The following TRPM3 variants were observed in gnomAD, a reference collection of about 807,000 sequenced individuals.
TRPM3 encodes the protein transient receptor potential cation channel subfamily M member 3.
Under a neutral mutation model 181.2 loss-of-function variants are expected in TRPM3, and 77 were observed. The ratio of observed to expected loss-of-function variants is 0.42; its 90% confidence interval spans 0.35 to 0.51. The LOEUF (loss-of-function observed/expected upper bound fraction) is 0.51. Among genes scored for constraint, TRPM3 ranks in the 20% least tolerant of loss-of-function variants. The pLI is 0.01. For synonymous variants in TRPM3, 745 were observed against 796.4 expected (o/e 0.94, Z 1.09); for missense variants, 1,759 against 2,196.7 (o/e 0.80, Z 3.98).
chr9:70,697,844 A>T (rs1397421596), intron 8 of TRPM3, among the ~76,000 whole-genome samples: 1 of 152,128 alleles, frequency 6.6e-6, no homozygotes, highest in East Asian at 1.9e-4. Context: ...TAAATCCACA[A>T]TTTAGCCACT....
At chr9:71,347,301 C>T (rs965016174) in intron 1 of TRPM3, among the ~76,000 whole-genome samples, 1 of 152,156 alleles carries the variant, frequency 6.6e-6, no homozygotes, top group African/African-American at 2.4e-5. Context: ...CCTTAGAACC[C>T]TTTCATCAGT....
At chr9:70,768,094 G>A (rs905365334) in intron 7 of TRPM3, among the ~76,000 whole-genome samples, 1 of 152,126 alleles carries the variant, frequency 6.6e-6, no homozygotes, top group Non-Finnish European at 1.5e-5. Flanking sequence ...TTCAGATGAG[G>A]CATAAACTGC....
Position 71,202,300 on chromosome 9 carries a change from G to A in TRPM3, c.183+244353C>T, listed in dbSNP as rs539020761. On this transcript the variant is annotated intron_variant, in intron 1 of 24. Transcript: ENST00000357533. Reference sequence around the variant, plus strand: ...CAGGGGTCAGGGACCCACTTGAGGAGGCAGTGTGCCCATTCTCAGATCTCC... The same window carrying A: ...CAGGGGTCAGGGACCCACTTGAGGAAGCAGTGTGCCCATTCTCAGATCTCC... Among the ~76,000 whole-genome samples the A allele has an allele frequency of 1.2e-4, 17 of 139,990 alleles. No homozygotes were observed. The South Asian group carries it at 3.2e-3, about 26-fold the overall frequency. The allele number at this position is 139,990 out of a possible 152,430, so 91.8% of individuals were successfully genotyped here.
At position 70,536,294 on chromosome 9, in the gene TRPM3, A is replaced by AGCTG; in HGVS notation, c.4815_4818dup (p.Ser1607GlnfsTer3). ...TTGGCCTCATTCTCCTCACTGTCAG[A>AGCTG]GCTGGGGTGACTCAGTTCTGCTTCT... On this transcript the variant is annotated frameshift_variant, in exon 26 of 26. Transcript: ENST00000677713. LOFTEE classifies it high-confidence loss of function. The AGCTG allele has an allele frequency of 6.2e-7, 1 of 1,614,148 alleles. No individual in the cohort carries two copies. Among genetic ancestry groups the AGCTG allele is most frequent in the Non-Finnish European group, 8.5e-7 (1 of 1,180,018 alleles).
At chr9:71,441,291 T>C (rs544703642) in intron 1 of TRPM3, among the ~76,000 whole-genome samples, 58 of 151,762 alleles carry the variant, frequency 3.8e-4, no homozygotes, top group Non-Finnish European at 6.5e-4. Context: ...TCCTGAGCAA[T>C]ACAACATTGT....
chr9:70,550,017 G>T (rs148441877), intron 24 of TRPM3, among the ~76,000 whole-genome samples: 258 of 152,266 alleles, frequency 1.7e-3, no homozygotes, highest in African/African-American at 5.9e-3. Context: ...AAAACTTCTG[G>T]GCTGGGGGTG....
intron 1 of TRPM3, among the ~76,000 whole-genome samples, chr9:71,293,661 A>G (rs970500227): frequency 6.6e-6 from 1 of 151,924 alleles, no homozygotes; most frequent in East Asian, 1.9e-4. Flanking sequence ...AAATTGATCT[A>G]TACTTTTAAT....
At chr9:70,580,113 G>T (rs2132327719) in intron 22 of TRPM3, among the ~76,000 whole-genome samples, 1 of 152,274 alleles carries the variant, frequency 6.6e-6, no homozygotes, top group East Asian at 1.9e-4. Context: ...GAAGGTTGTT[G>T]CTCCTGTTTT....
chr9:70,819,684 A>G lies in TRPM3; in HGVS notation c.973+8163T>C, dbSNP rs906482893. Among the ~76,000 whole-genome samples the G allele has an allele frequency of 6.6e-5, 10 of 152,250 alleles. No individual in the cohort carries two copies. The East Asian group carries it at 1.3e-3, about 21-fold the overall frequency. On this transcript the variant is annotated intron_variant, in intron 6 of 25. Coordinates refer to ENST00000677713, the MANE Select transcript of TRPM3 (RefSeq NM_001366145.2). ...AATAGGTATATCTGTAAGGTCTGCC[A>G]TGGGGAAATAATCCCTTAGACTAGA...
intron 1 of TRPM3, among the ~76,000 whole-genome samples, chr9:71,047,308 A>C (rs1220676525): frequency 6.6e-6 from 1 of 152,210 alleles, no homozygotes; most frequent in African/African-American, 2.4e-5. Context: ...ATAGTCATTA[A>C]TATGGCTCTT....
chr9:71,406,654 C>A (rs780170191), intron 1 of TRPM3, among the ~76,000 whole-genome samples: 4 of 152,054 alleles, frequency 2.6e-5, no homozygotes, highest in Non-Finnish European at 4.4e-5. Context: ...AGAAATCAAC[C>A]CAAAGGCATC....
At chr9:71,235,371 G>A (rs979216633) in intron 1 of TRPM3, among the ~76,000 whole-genome samples, 4 of 152,164 alleles carry the variant, frequency 2.6e-5, no homozygotes, top group East Asian at 1.9e-4. Flanking sequence ...CATTTTTTAC[G>A]CTTTATTGTC....
chr9:70,588,884 A>G (rs2057623984), intron 22 of TRPM3, among the ~76,000 whole-genome samples: 1 of 152,178 alleles, frequency 6.6e-6, no homozygotes, highest in South Asian at 2.1e-4. Context: ...GTCATGACAG[A>G]TTTTGGGGGC....
chr9:70,904,515 G>C (rs538184021), intron 1 of TRPM3, among the ~76,000 whole-genome samples: 2 of 152,288 alleles, frequency 1.3e-5, no homozygotes, highest in South Asian at 4.1e-4. Context: ...GGGATAAGAA[G>C]GCAAGGACCT....
chr9:71,258,689 C>T (rs887802243), intron 1 of TRPM3, among the ~76,000 whole-genome samples: 2 of 152,162 alleles, frequency 1.3e-5, no homozygotes, highest in African/African-American at 4.8e-5. Context: ...GTACTATGAT[C>T]ATTGCCTTAC....
intron 9 of TRPM3, among the ~76,000 whole-genome samples, chr9:70,647,517 A>C (rs1348622799): frequency 6.6e-6 from 1 of 152,234 alleles, no homozygotes; most frequent in Non-Finnish European, 1.5e-5. Context: ...ACCTTCAACA[A>C]ACTAGGCATT....
chr9:71,016,139 CAAAA>C (rs58566593), intron 1 of TRPM3, among the ~76,000 whole-genome samples: 3 of 117,152 alleles, frequency 2.6e-5, no homozygotes, highest in East Asian at 2.4e-4. Context: ...GACTCCCTCT[CAAAA>C]AAAAAAAAAA....
chr9:71,084,995 C>T (rs977149703), intron 1 of TRPM3, among the ~76,000 whole-genome samples: 4 of 151,994 alleles, frequency 2.6e-5, no homozygotes, highest in African/African-American at 9.7e-5. Flanking sequence ...GCCATCTGAT[C>T]ATTGACAAAA....
chr9:70,574,132 T>C (rs2132226190), intron 22 of TRPM3, among the ~76,000 whole-genome samples: 1 of 151,628 alleles, frequency 6.6e-6, no homozygotes, highest in East Asian at 1.9e-4. Context: ...ACCACCACCA[T>C]CATCAACAAC....
Sources: allele counts gnomAD v4.1 joint callset (sites outside exome capture counted in the v4.1 genomes callset), GRCh38; gene constraint gnomAD v4.1.1; transcripts MANE v1.5; gene names NCBI Gene and HGNC (gene_info 2026-07-23, HGNC 2026-07-21).